The following RMDN2 variants were observed in gnomAD, a reference collection of about 807,000 sequenced individuals.
RMDN2 encodes regulator of microtubule dynamics protein 2.
A neutral mutation model predicts 52.8 loss-of-function variants in RMDN2; 61 were observed. That is an observed-to-expected ratio of 1.16 (90% CI 0.94 to 1.43). RMDN2 has a LOEUF of 1.43. RMDN2 is among the 40% of genes most tolerant of loss of function. The probability of loss-of-function intolerance (pLI) is 0.00; values close to 1 mark genes in which losing one functional copy is unlikely to be tolerated. For synonymous variants in RMDN2, 180 were observed against 153.1 expected (o/e 1.18, Z -1.30); for missense variants, 592 against 475.3 (o/e 1.25, Z -2.28).
intron 2 of RMDN2, chr2:37,953,078 C>T (rs952323390): frequency 1.3e-5 from 2 of 151,750 alleles, no homozygotes; most frequent in African/African-American, 4.8e-5. Context: ...AATAAAATGT[C>T]CCCCAAATTT....
In RMDN2 at chr2:38,065,648, T is replaced by C. The variant is rs35667829; in HGVS notation, c.1714-1334T>C. 3.4e-4 allele frequency among the ~76,000 whole-genome samples: 52 copies of C among 152,348 alleles called. 1 individual carries two copies. The South Asian group carries it at 8.7e-3, about 25-fold the overall frequency. On this transcript the variant is annotated intron_variant, in intron 10 of 10. Transcript: ENST00000234195. ...CGGGCTCTGAGAGACGGAAGGGTTC[T>C]GATGAGCCACATACACCAACACTTA...
chr2:37,959,213 C>T lies in RMDN2; in HGVS notation c.453-14827C>T, dbSNP rs142245561. ...CCTCTTTTTCTGTTGTTTGGAATAG[C>T]TTCAGAAGGAATGGTACCAGCTCCT... is the stretch of plus-strand genomic sequence containing the variant. On this transcript the variant is annotated intron_variant, in intron 2 of 10. Transcript: ENST00000354545. Among the ~76,000 whole-genome samples, 591 of 151,008 alleles carry T rather than the reference C, an allele frequency of 3.9e-3. 32 individuals carry two copies. The highest frequency in any genetic ancestry group is 0.026 in the East Asian group (136 of 5,188).
chr2:37,942,882 G>T (rs931735428), intron 2 of RMDN2, among the ~76,000 whole-genome samples: 1 of 152,202 alleles, frequency 6.6e-6, no homozygotes, highest in Non-Finnish European at 1.5e-5. Flanking sequence ...AATCTAGCAA[G>T]ATGGTAAAGA....
chr2:37,984,224 T>G (rs148397731), intron 5 of RMDN2, among the ~76,000 whole-genome samples: 75 of 152,326 alleles, frequency 4.9e-4, no homozygotes, highest in African/African-American at 1.7e-3. Context: ...TCTATAAGAT[T>G]CAGTTGTTTT....
chr2:38,021,970 C>G (rs1403378963), downstream of RMDN2, among the ~76,000 whole-genome samples: 1 of 152,204 alleles, frequency 6.6e-6, no homozygotes, highest in African/African-American at 2.4e-5. Flanking sequence ...ATTTAATCCT[C>G]TGTCCAATCC....
intron 2 of RMDN2, chr2:37,953,070 T>C (rs911967156): frequency 2.2e-4 from 34 of 152,136 alleles, no homozygotes; most frequent in Admixed American, 1.2e-3. Context: ...ATTATCCTAA[T>C]AAAATGTCCC....
chr2:38,012,853 C>G (rs148660926), intron 10 of RMDN2, among the ~76,000 whole-genome samples: 1 of 152,228 alleles, frequency 6.6e-6, no homozygotes, highest in Non-Finnish European at 1.5e-5. Context: ...TTTACTCTCT[C>G]GTGTGACATT....
chr2:38,066,908 G>C (rs375175674), intron 10 of RMDN2: 1 of 1,456,864 alleles, frequency 6.9e-7, no homozygotes. Context: ...GGCTGCTAAA[G>C]TGAGGTTCCC....
intron 10 of RMDN2, among the ~76,000 whole-genome samples, chr2:38,025,617 T>G (rs975019692): frequency 6.6e-6 from 1 of 152,120 alleles, no homozygotes; most frequent in African/African-American, 2.4e-5. Context: ...TTTTTGGAGA[T>G]ACGCTTTTTC....
intron 10 of RMDN2, among the ~76,000 whole-genome samples, chr2:38,009,243 T>C (rs565185947): frequency 2.8e-4 from 42 of 152,248 alleles, no homozygotes; most frequent in Non-Finnish European, 4.3e-4. Context: ...TGAATTTGAA[T>C]GTTGGCCTGC....
chr2:37,952,560 G>A (rs989272473), intron 2 of RMDN2: 3 of 353,428 alleles, frequency 8.5e-6, no homozygotes, highest in African/African-American at 4.2e-5. Flanking sequence ...TACATTCTTT[G>A]AGAGTTTAGT....
chr2:37,990,846 T>C (rs1674694662), intron 6 of RMDN2, among the ~76,000 whole-genome samples: 1 of 152,204 alleles, frequency 6.6e-6, no homozygotes. Flanking sequence ...CATCTAACTC[T>C]GCTATTTTTT....
chr2:37,978,428 A>G (rs1036486086), intron 4 of RMDN2, among the ~76,000 whole-genome samples: 3 of 152,152 alleles, frequency 2.0e-5, no homozygotes, highest in Admixed American at 6.5e-5. Context: ...AGCAAAATAG[A>G]CATGTTTTCA....
intron 10 of RMDN2, among the ~76,000 whole-genome samples, chr2:38,023,075 T>C (rs1405690916): frequency 6.6e-6 from 1 of 152,166 alleles, no homozygotes; most frequent in African/African-American, 2.4e-5. Flanking sequence ...ATTCCAAGTG[T>C]TTTTCCTATA....
At chr2:37,928,564 G>A (rs977454315) in intron 1 of RMDN2, among the ~76,000 whole-genome samples, 5 of 152,140 alleles carry the variant, frequency 3.3e-5, no homozygotes, top group African/African-American at 7.2e-5. Context: ...GAACAGTGAA[G>A]CAATCAAAGA....
chr2:38,034,313 A>G (rs1274683125), intron 10 of RMDN2, among the ~76,000 whole-genome samples: 4 of 152,206 alleles, frequency 2.6e-5, no homozygotes, highest in Non-Finnish European at 4.4e-5. Context: ...CTCTACCACT[A>G]TCTTGGACAT....
At chr2:37,980,951 A>G (rs1395182276) in intron 4 of RMDN2, among the ~76,000 whole-genome samples, 7 of 152,202 alleles carry the variant, frequency 4.6e-5, no homozygotes. Flanking sequence ...TGTTGTTTGA[A>G]TGGAATACAG....
intron 5 of RMDN2, among the ~76,000 whole-genome samples, chr2:37,984,124 T>C (rs536323297): frequency 8.3e-4 from 126 of 152,346 alleles, no homozygotes; most frequent in African/African-American, 3.0e-3. Context: ...TTGGGAATGA[T>C]TGAAAAATAC....
At chr2:37,963,203 A>T (rs1303570421) in intron 2 of RMDN2, 2 of 151,892 alleles carry the variant, frequency 1.3e-5, no homozygotes, top group African/African-American at 2.4e-5. Flanking sequence ...TCTGTGAAAC[A>T]TTTTGAAAAC....
Sources: allele counts gnomAD v4.1 joint callset (sites outside exome capture counted in the v4.1 genomes callset), GRCh38; gene constraint gnomAD v4.1.1; transcripts MANE v1.5; gene names NCBI Gene and HGNC (gene_info 2026-07-23, HGNC 2026-07-21).